DEFB108B: variants seen among roughly 807,000 people sequenced by gnomAD.
DEFB108B encodes the protein beta-defensin 108B.
A neutral mutation model predicts 2.4 loss-of-function variants in DEFB108B; 3 were observed. The observed-to-expected ratio is 1.25, with a 90% CI of 0.57 to 3.24. DEFB108B has a LOEUF of 3.24. Ranked by LOEUF, DEFB108B falls within the 30% of genes most tolerant of loss-of-function variation. DEFB108B has a pLI of 0.03. For missense variants in DEFB108B, 101 were observed against 87.8 expected, an observed-to-expected ratio of 1.15 and a Z score of -0.60; for synonymous variants, 25 against 28.7, an observed-to-expected ratio of 0.87 and a Z score of 0.41.
At chr11:71,835,565 T>A (rs1475668745) in intron 1 of DEFB108B, among the ~76,000 whole-genome samples, 1 of 152,258 alleles carries the variant, frequency 6.6e-6, no homozygotes, top group East Asian at 1.9e-4. Context: ...TAGGTCTTTT[T>A]ACAAGACTGA....
intron 1 of DEFB108B, chr11:71,836,931 A>C (rs138817835): frequency 0.018 from 2,492 of 139,996 alleles, 71 homozygotes; most frequent in African/African-American, 0.063. Context: ...AATCTATCAT[A>C]TAGAGTGTGT....
At chr11:71,834,472 C>G (rs1290761495) in intron 1 of DEFB108B, among the ~76,000 whole-genome samples, 1 of 152,052 alleles carries the variant, frequency 6.6e-6, no homozygotes, top group African/African-American at 2.4e-5. Flanking sequence ...TTTGGATAAA[C>G]AAATTTTTTT....
intron 1 of DEFB108B, chr11:71,834,987 GA>G (rs1463816414): frequency 6.6e-6 from 1 of 152,158 alleles, no homozygotes; most frequent in Admixed American, 6.5e-5. Flanking sequence ...AAGAACAAAT[GA>G]AAACAAAAGA....
intron 1 of DEFB108B, 30 bp downstream of exon 1, chr11:71,833,287 T>A (rs758300901): frequency 2.6e-6 from 4 of 1,557,452 alleles, no homozygotes; most frequent in Admixed American, 1.8e-5. Context: ...AAGAGTAGAG[T>A]GCCTAACACC....
intron 1 of DEFB108B, 76 bp from the exon 2 acceptor site, chr11:71,837,323 C>T (rs1952228511): frequency 3.2e-6 from 5 of 1,541,556 alleles, no homozygotes; most frequent in East Asian, 2.2e-5. Flanking sequence ...CAAGCACTGC[C>T]CCCTACATCC....
intron 1 of DEFB108B, among the ~76,000 whole-genome samples, chr11:71,834,447 T>C (rs1952202044): frequency 6.6e-6 from 1 of 152,216 alleles, no homozygotes; most frequent in Non-Finnish European, 1.5e-5. Flanking sequence ...TTAATCAAGG[T>C]TTAAAAATTC....
chr11:71,837,696 C>T lies in DEFB108B; in HGVS notation c.*134C>T, dbSNP rs1206602091. ...ATCCTCAAAAAAGAATAAACCAAAA[C>T]CAACCAGCACAAAACTCTTTTAAAA... On this transcript the variant is annotated 3_prime_UTR_variant, in exon 2 of 2. Coordinates refer to ENST00000328698, the MANE Select transcript of DEFB108B (RefSeq NM_001002035.2). The T allele has an allele frequency of 2.5e-6, 3 of 1,215,554 alleles. No homozygotes were observed. The highest frequency in any genetic ancestry group is 3.1e-5 in the African/African-American group (2 of 65,214). The allele number at this position is 1,215,554 out of a possible 1,614,324, so 75.3% of individuals were successfully genotyped here.
intron 1 of DEFB108B, 97 bp downstream of exon 1, chr11:71,833,354 G>T (rs536058241): frequency 6.5e-7 from 1 of 1,540,680 alleles, no homozygotes; most frequent in African/African-American, 1.4e-5. Context: ...AGAAAAGGGG[G>T]TCTCATAGGA....
chr11:71,835,337 T>C (rs1327155632), intron 1 of DEFB108B, among the ~76,000 whole-genome samples: 2 of 152,172 alleles, frequency 1.3e-5, no homozygotes, highest in Non-Finnish European at 2.9e-5. Flanking sequence ...GAATATGTGG[T>C]ATTTGGCTTC....
rs760777502 is a variant in DEFB108B, at chr11:71,837,413, AAGG to A, written c.76_78del (p.Glu26del). On this transcript the variant is annotated inframe_deletion, in exon 2 of 2. Transcript: ENST00000328698. ...TCTTCATGTAGCCAGGGGCAAATTC[AAGG>A]AGATCTGTGAACGTCCAAATGGCTC... 2 of 1,611,852 alleles carry A rather than the reference AAGG, an allele frequency of 1.2e-6. No homozygotes were observed. The highest frequency in any genetic ancestry group is 8.5e-7 in the Non-Finnish European group (1 of 1,179,742).
At chr11:71,834,018 G>A (rs1295927218) in intron 1 of DEFB108B, among the ~76,000 whole-genome samples, 2 of 152,160 alleles carry the variant, frequency 1.3e-5, no homozygotes, top group South Asian at 2.1e-4. Flanking sequence ...TCCTGAACAT[G>A]TGTATTCAAG....
intron 1 of DEFB108B, among the ~76,000 whole-genome samples, chr11:71,835,820 T>C (rs1252220820): frequency 6.6e-6 from 1 of 152,218 alleles, no homozygotes; most frequent in African/African-American, 2.4e-5. Context: ...TGAATAGCTA[T>C]TATAAGCCAA....
chr11:71,834,103 GC>G (rs1210476901), intron 1 of DEFB108B, among the ~76,000 whole-genome samples: 1 of 152,172 alleles, frequency 6.6e-6, no homozygotes, highest in Non-Finnish European at 1.5e-5. Context: ...AAACTGAAGT[GC>G]TTTTCTCAAC....
chr11:71,837,389 C>G lies in DEFB108B; in HGVS notation c.59-10C>G. On this transcript the variant is annotated splice_polypyrimidine_tract_variant and intron_variant, in intron 1 of 1. Coordinates refer to ENST00000328698, the MANE Select transcript of DEFB108B (RefSeq NM_001002035.2). ...GGTGAATGGTTACAATAACCCTCTTCTTCATGTAGCCAGGGGCAAATTCAA... is the reference window on the plus strand; with the variant it reads ...GGTGAATGGTTACAATAACCCTCTTGTTCATGTAGCCAGGGGCAAATTCAA... 1.2e-6 allele frequency: 2 copies of G among 1,611,596 alleles called. No homozygotes were observed. The highest frequency in any genetic ancestry group is 8.5e-7 in the Non-Finnish European group (1 of 1,179,526).
intron 1 of DEFB108B, among the ~76,000 whole-genome samples, chr11:71,835,883 C>T (rs533949194): frequency 1.3e-5 from 2 of 152,258 alleles, no homozygotes; most frequent in African/African-American, 2.4e-5. Context: ...GATATGATTC[C>T]TGCCCTCAAG....
chr11:71,837,426 A>G lies in DEFB108B; in HGVS notation c.86A>G (p.Glu29Gly). 6.2e-7 allele frequency: 1 copy of G among 1,611,968 alleles called. No individual in the cohort carries two copies. The highest frequency in any genetic ancestry group is 8.5e-7 in the Non-Finnish European group (1 of 1,179,812). Reference sequence around the variant, plus strand: ...AGGGGCAAATTCAAGGAGATCTGTGAACGTCCAAATGGCTCCTGTCGGGAC... The same window carrying G: ...AGGGGCAAATTCAAGGAGATCTGTGGACGTCCAAATGGCTCCTGTCGGGAC... ...PARGKFKEICERPNGSCRDFC... is the reference protein window; with the variant it reads ...PARGKFKEICGRPNGSCRDFC... The change falls in exon 2 of 2, where the codon GAA (glutamate) becomes GGA (glycine). Residue 29 changes from glutamate to glycine, a missense_variant. Physicochemically the swap from Glu to Gly is moderately conservative, Grantham distance 98. Coordinates refer to ENST00000328698, the MANE Select transcript of DEFB108B (RefSeq NM_001002035.2).
At chr11:71,834,910 G>C (rs964273677) in intron 1 of DEFB108B, 1 of 152,090 alleles carries the variant, frequency 6.6e-6, no homozygotes, top group African/African-American at 2.4e-5. Context: ...TCTAGCTTTT[G>C]TTCCTAAAGC....
chr11:71,833,860 A>G (rs772296562), intron 1 of DEFB108B, among the ~76,000 whole-genome samples: 1 of 152,170 alleles, frequency 6.6e-6, no homozygotes, highest in Non-Finnish European at 1.5e-5. Context: ...ACACCAGGGC[A>G]TAGCCTACTG....
At chr11:71,836,847 CCTCT>C (rs1294348090) in intron 1 of DEFB108B, among the ~76,000 whole-genome samples, 5 of 152,060 alleles carry the variant, frequency 3.3e-5, no homozygotes, top group South Asian at 4.1e-4. Context: ...GGAAAAATAT[CCTCT>C]CTAACAATTA....
Sources: allele counts gnomAD v4.1 joint callset (sites outside exome capture counted in the v4.1 genomes callset), GRCh38; gene constraint gnomAD v4.1.1; transcripts MANE v1.5; gene names NCBI Gene and HGNC (gene_info 2026-07-23, HGNC 2026-07-21).